CNTNAP2: variants seen among roughly 807,000 people sequenced by gnomAD.
CNTNAP2 encodes the protein contactin-associated protein-like 2.
In CNTNAP2, 98 loss-of-function variants were observed where a neutral mutation model predicts 155.2. The observed-to-expected ratio is 0.63, with a 90% CI of 0.54 to 0.75. The LOEUF is 0.75. CNTNAP2 is among the 30% of genes least tolerant of loss of function. CNTNAP2 has a pLI of 0.00. For synonymous variants in CNTNAP2, 651 were observed against 631.2 expected (o/e 1.03, Z -0.47); for missense variants, 1,727 against 1,688.1 (o/e 1.02, Z -0.40).
chr7:147,985,296 G>A (rs1245136976), intron 15 of CNTNAP2, among the ~76,000 whole-genome samples: 1 of 151,644 alleles, frequency 6.6e-6, no homozygotes, highest in Non-Finnish European at 1.5e-5. Context: ...GGGGGGTGGG[G>A]AGTGGTAATC....
chr7:147,327,817 T>A (rs1396863883), intron 9 of CNTNAP2, among the ~76,000 whole-genome samples: 2 of 152,196 alleles, frequency 1.3e-5, no homozygotes, highest in African/African-American at 2.4e-5. Context: ...GAAATTCTCA[T>A]ATCATGTGGT....
chr7:148,407,009 G>A (rs1260514403), intron 22 of CNTNAP2, among the ~76,000 whole-genome samples: 2 of 152,086 alleles, frequency 1.3e-5, no homozygotes, highest in Non-Finnish European at 2.9e-5. Flanking sequence ...CTATTTTATT[G>A]TTCACTGTAT....
chr7:147,647,519 C>G (rs535703609), intron 13 of CNTNAP2, among the ~76,000 whole-genome samples: 1 of 152,278 alleles, frequency 6.6e-6, no homozygotes, highest in Non-Finnish European at 1.5e-5. Context: ...ATTTCTGTTT[C>G]ACTTAGGGCC....
chr7:147,313,578 T>C (rs1047561894), intron 9 of CNTNAP2, among the ~76,000 whole-genome samples: 3 of 147,620 alleles, frequency 2.0e-5, no homozygotes, highest in East Asian at 2.0e-4. Context: ...GTTGTAGATA[T>C]GCAGCGTTAT....
At chr7:146,387,877 A>C (rs973197648) in intron 1 of CNTNAP2, among the ~76,000 whole-genome samples, 1 of 151,970 alleles carries the variant, frequency 6.6e-6, no homozygotes, top group African/African-American at 2.4e-5. Context: ...CCTCTCGATA[A>C]ATCTAGACAT....
At chr7:148,288,429 C>G (rs1002342647) in intron 21 of CNTNAP2, among the ~76,000 whole-genome samples, 1 of 152,032 alleles carries the variant, frequency 6.6e-6, no homozygotes, top group African/African-American at 2.4e-5. Flanking sequence ...GCCACCAGCC[C>G]CATCATAGGG....
intron 8 of CNTNAP2, among the ~76,000 whole-genome samples, chr7:147,170,022 C>T (rs1016853741): frequency 6.6e-6 from 1 of 151,826 alleles, no homozygotes; most frequent in Non-Finnish European, 1.5e-5. Context: ...GGCACTCTGG[C>T]TTCTTGAATT....
intron 13 of CNTNAP2, among the ~76,000 whole-genome samples, chr7:147,840,508 A>G (rs1222195919): frequency 6.6e-6 from 1 of 152,042 alleles, no homozygotes; most frequent in Non-Finnish European, 1.5e-5. Context: ...GATAGGAGAG[A>G]AAGTACAACA....
At chr7:146,978,570 T>C (rs570695719) in intron 3 of CNTNAP2, among the ~76,000 whole-genome samples, 1 of 152,218 alleles carries the variant, frequency 6.6e-6, no homozygotes, top group Non-Finnish European at 1.5e-5. Context: ...TTTTCAGTCC[T>C]CATTGTGTTC....
At chr7:147,335,586 A>C (rs1795650699) in intron 9 of CNTNAP2, among the ~76,000 whole-genome samples, 1 of 152,160 alleles carries the variant, frequency 6.6e-6, no homozygotes, top group African/African-American at 2.4e-5. Flanking sequence ...TAGCAATGGG[A>C]GGCTTTAATC....
chr7:146,356,212 T>A (rs1323520166), intron 1 of CNTNAP2, among the ~76,000 whole-genome samples: 1 of 152,168 alleles, frequency 6.6e-6, no homozygotes, highest in Non-Finnish European at 1.5e-5. Context: ...TGTTTAAAGT[T>A]CTTCAATAAG....
intron 3 of CNTNAP2, among the ~76,000 whole-genome samples, chr7:146,934,459 A>G (rs1372116654): frequency 1.2e-5 from 1 of 84,890 alleles, no homozygotes; most frequent in Admixed American, 1.6e-4. Context: ...GGGGAGGGGG[A>G]AGGGGGGAGG....
chr7:147,283,136 T>A (rs554740602), intron 8 of CNTNAP2, among the ~76,000 whole-genome samples: 2 of 151,796 alleles, frequency 1.3e-5, no homozygotes, highest in Non-Finnish European at 2.9e-5. Flanking sequence ...ATTTCATGAG[T>A]TTTTTGACAC....
At chr7:146,888,938 G>A (rs1795725915) in intron 3 of CNTNAP2, among the ~76,000 whole-genome samples, 1 of 152,022 alleles carries the variant, frequency 6.6e-6, no homozygotes, top group African/African-American at 2.4e-5. Context: ...AGTGCCTATA[G>A]CTAATGATAC....
At chr7:146,340,859 T>C (rs1055650818) in intron 1 of CNTNAP2, among the ~76,000 whole-genome samples, 7 of 152,220 alleles carry the variant, frequency 4.6e-5, no homozygotes, top group Non-Finnish European at 1.0e-4. Flanking sequence ...GATGATAATA[T>C]AAAAGTGGTA....
At chr7:146,606,363 C>T (rs564004494) in intron 1 of CNTNAP2, among the ~76,000 whole-genome samples, 5 of 152,088 alleles carry the variant, frequency 3.3e-5, no homozygotes, top group South Asian at 2.1e-4. Context: ...TTTTAGTAGT[C>T]GTAGAATTTT....
At chr7:147,980,557 G>A (rs575224740) in intron 15 of CNTNAP2, among the ~76,000 whole-genome samples, 124 of 152,200 alleles carry the variant, frequency 8.1e-4, no homozygotes, top group African/African-American at 2.6e-3. Context: ...CCAGGCAACC[G>A]AGAATAAGTA....
intron 15 of CNTNAP2, among the ~76,000 whole-genome samples, chr7:147,998,463 T>C (rs966263141): frequency 6.6e-6 from 1 of 152,182 alleles, no homozygotes; most frequent in Admixed American, 6.5e-5. Flanking sequence ...AGGCTGCAGA[T>C]ACAGAGGCGT....
intron 14 of CNTNAP2, among the ~76,000 whole-genome samples, chr7:147,954,954 A>G (rs1412506181): frequency 1.3e-5 from 2 of 152,226 alleles, no homozygotes; most frequent in Non-Finnish European, 2.9e-5. Context: ...CCAGTCTCCA[A>G]CGTTTCTGTA....
Sources: allele counts gnomAD v4.1 joint callset (sites outside exome capture counted in the v4.1 genomes callset), GRCh38; gene constraint gnomAD v4.1.1; transcripts MANE v1.5; gene names NCBI Gene and HGNC (gene_info 2026-07-23, HGNC 2026-07-21).